The following VWCE variants were observed in gnomAD, a reference collection of about 807,000 sequenced individuals.
The protein encoded by VWCE is von Willebrand factor C and EGF domains, also known as von Willebrand factor C and EGF domain-containing protein.
In VWCE, 68 loss-of-function variants were observed where a neutral mutation model predicts 102.9. The observed-to-expected ratio is 0.66, with a 90% CI of 0.54 to 0.81. The LOEUF (loss-of-function observed/expected upper bound fraction) is 0.81, where lower values mean the gene tolerates loss of function less well. VWCE is among the 30% of genes least tolerant of loss of function. The probability of loss-of-function intolerance (pLI) is 0.00; values close to 1 mark genes in which losing one functional copy is unlikely to be tolerated. For missense variants in VWCE, 1,137 were observed against 1,263.6 expected (o/e 0.90, Z 1.52); for synonymous variants, 497 against 515.4 (o/e 0.96, Z 0.48).
chr11:61,269,534 C>G (rs1854611693), intron 14 of VWCE: 1 of 155,468 alleles, frequency 6.4e-6, no homozygotes, highest in Non-Finnish European at 1.4e-5. Context: ...CAAACTCCAC[C>G]TCCCGGGCTT....
chr11:61,267,873 C>A (rs1854559093), intron 15 of VWCE, among the ~76,000 whole-genome samples: 5 of 151,900 alleles, frequency 3.3e-5, no homozygotes, highest in Admixed American at 3.3e-4. Context: ...TGTGAGGCCC[C>A]ACAGCATCTT....
intron 1 of VWCE, among the ~76,000 whole-genome samples, chr11:61,292,234 AAAAAAGAG>A (rs1855527181): frequency 6.7e-6 from 1 of 149,540 alleles, no homozygotes; most frequent in African/African-American, 2.6e-5. Flanking sequence ...ACAAAAAAAA[AAAAAAGAG>A]AGAGAGAAAG....
In VWCE at chr11:61,264,575, C is replaced by T; in HGVS notation, c.2142G>A (p.Leu714=). The change falls in exon 19 of 20, where the codon CTG becomes CTA. Residue 714 remains leucine (L), a splice_region_variant and synonymous_variant. Coordinates refer to ENST00000335613, the MANE Select transcript of VWCE (RefSeq NM_152718.2). ...DEPCTRCTCQ[L]GEVSCEKVPC... ...GAACCTTCTCACAGCTCACCTCTCC[C>T]AGCTGGGGAAGCAGAAGGAACCCCA... 6.2e-7 allele frequency: 1 copy of T among 1,607,892 alleles called. No individual in the cohort carries two copies. Among genetic ancestry groups the T allele is most frequent in the Non-Finnish European group, 8.5e-7 (1 of 1,177,334 alleles).
intron 10 of VWCE, among the ~76,000 whole-genome samples, chr11:61,276,939 C>G (rs1293374189): frequency 2.5e-5 from 2 of 78,470 alleles, no homozygotes; most frequent in African/African-American, 1.0e-4. Context: ...GAGGAGAAGA[C>G]AGGGAAGGGG....
rs765736180 is a variant in VWCE at position 61,294,987 on chromosome 11, C to T, written c.51G>A (p.Pro17=). ...LRAACVALLL[P]GAPARGYTGR... is the part of the protein sequence containing the mutation. The stretch of plus-strand genomic sequence containing the variant: ...CGGTGTAGCCTCGGGCTGGTGCCCC[C>T]GGCAGCAGGAGCGCGACACAGGCGG... The change falls in exon 1 of 20, where the codon CCG becomes CCA. Residue 17 remains proline, a synonymous_variant. Coordinates refer to ENST00000335613, the MANE Select transcript of VWCE (RefSeq NM_152718.2). The surrounding 1 kb of genome is among the most constrained non-coding windows in gnomAD (Gnocchi z 6.3). 2.0e-6 allele frequency: 3 copies of T among 1,473,168 alleles called. No homozygotes were observed. The highest frequency in any genetic ancestry group is 2.9e-5 in the East Asian group (1 of 34,830). 91.3% of individuals were successfully genotyped at this position (1,473,168 alleles called of 1,614,324 possible).
At chr11:61,273,446 A>T in intron 12 of VWCE, 130 bp from the exon 13 acceptor site, 4 of 840,868 alleles carry the variant, frequency 4.8e-6, no homozygotes. Context: ...AAAGAAATCT[A>T]CTAAAGTGAA....
chr11:61,286,146 C>T, intron 5 of VWCE, 168 bp downstream of exon 5: 1 of 725,192 alleles, frequency 1.4e-6, no homozygotes. Context: ...GCCTCAGTCT[C>T]CACATCAGTC....
At chr11:61,282,150 C>T (rs1248479669) in intron 6 of VWCE, among the ~76,000 whole-genome samples, 1 of 152,190 alleles carries the variant, frequency 6.6e-6, no homozygotes, top group African/African-American at 2.4e-5. Flanking sequence ...ATCAGAGACT[C>T]AGCCCCAGCA....
In VWCE at chr11:61,281,190, C is replaced by G. The variant is rs376730424; in HGVS notation, c.833G>C (p.Arg278Pro). The change falls in exon 8 of 20, where the codon CGG (arginine) becomes CCG (proline). Residue 278 changes from arginine (R) to proline (P), a missense_variant. Coordinates refer to ENST00000335613, the MANE Select transcript of VWCE (RefSeq NM_152718.2). ...CAGAAGCATCTTGGACGGGTGTTGC[C>G]GGGGTTGCAGGATGGCAGATGGGGC... ...VLAPSAILQPRQHPSKMLLLL... is the reference protein window; with the variant it reads ...VLAPSAILQPPQHPSKMLLLL... 2 of 1,613,110 alleles carry G rather than the reference C, an allele frequency of 1.2e-6. No individual in the cohort carries two copies. The highest frequency in any genetic ancestry group is 2.2e-5 in the East Asian group (1 of 44,838).
chr11:61,273,175 C>A (rs191438210), intron 13 of VWCE, 24 bp downstream of exon 13: 1 of 1,611,190 alleles, frequency 6.2e-7, no homozygotes, highest in Admixed American at 1.7e-5. Flanking sequence ...TGCCCTGTGT[C>A]GGGGCAGCCC....
intron 12 of VWCE, among the ~76,000 whole-genome samples, chr11:61,273,556 T>C (rs1417074247): frequency 5.3e-5 from 8 of 152,134 alleles, no homozygotes; most frequent in Non-Finnish European, 1.2e-4. Flanking sequence ...ATCCTGGGAA[T>C]AGGCACGGCC....
At chr11:61,262,821 T>C (rs1338948204) in intron 19 of VWCE, among the ~76,000 whole-genome samples, 5 of 152,228 alleles carry the variant, frequency 3.3e-5, no homozygotes, top group Admixed American at 2.6e-4. Flanking sequence ...AAACATAAAA[T>C]AGATCCAGCA....
intron 19 of VWCE, among the ~76,000 whole-genome samples, chr11:61,261,323 T>C (rs1854351973): frequency 6.6e-6 from 1 of 152,214 alleles, no homozygotes; most frequent in African/African-American, 2.4e-5. Context: ...AAATCAACTA[T>C]TCATATTAAT....
intron 19 of VWCE, 22 bp downstream of exon 19, chr11:61,264,465 C>A: frequency 6.2e-7 from 1 of 1,609,416 alleles, no homozygotes; most frequent in Non-Finnish European, 8.5e-7. Context: ...GGAGAAACTC[C>A]AGGACCCAGA....
intron 16 of VWCE, 127 bp from the exon 17 acceptor site, chr11:61,265,339 T>C: frequency 1.3e-6 from 1 of 780,404 alleles, no homozygotes; most frequent in Non-Finnish European, 1.9e-6. Flanking sequence ...GAGTCCATGG[T>C]GGGGCAGTGG....
chr11:61,289,497 G>A (rs534123028), intron 4 of VWCE, among the ~76,000 whole-genome samples: 4 of 151,606 alleles, frequency 2.6e-5, no homozygotes, highest in South Asian at 2.1e-4. Flanking sequence ...TGATCCACCC[G>A]CCTCGGCCTC....
rs374898016 is a variant in VWCE, at chr11:61,290,792, G to A, written c.424+7C>T. On this transcript the variant is annotated splice_region_variant and intron_variant, in intron 4 of 19. Transcript: ENST00000335613. ...TCCCCCTCCCCCACCACTCCCAGGC[G>A]TCTCACCTGTACACCTGATGCCAAC... 79 of 1,595,172 alleles carry A rather than the reference G, an allele frequency of 5.0e-5. No homozygotes were observed. The highest frequency in any genetic ancestry group is 3.1e-4 in the South Asian group (28 of 90,202).
intron 5 of VWCE, among the ~76,000 whole-genome samples, chr11:61,285,260 A>C (rs558726762): frequency 6.6e-6 from 1 of 152,332 alleles, no homozygotes; most frequent in African/African-American, 2.4e-5. Flanking sequence ...ATTTTTTCTC[A>C]TAATTTATGA....
rs1010889818 is a variant in VWCE at position 61,258,618 on chromosome 11, AC to A, written c.*56del. 3 of 1,330,888 alleles carry A rather than the reference AC, an allele frequency of 2.3e-6. No individual in the cohort carries two copies. Among genetic ancestry groups the A allele is most frequent in the African/African-American group, 3.0e-5 (2 of 66,666 alleles). 82.4% of individuals were successfully genotyped at this position (1,330,888 alleles called of 1,614,324 possible). On this transcript the variant is annotated 3_prime_UTR_variant, in exon 20 of 20. Transcript: ENST00000335613. ...TCATCCTTGGAGCTGCCCTGCACACACCCTGGGCCACTGGCAGAGGTCCTCT... is the reference window on the plus strand; with the variant it reads ...TCATCCTTGGAGCTGCCCTGCACACACCTGGGCCACTGGCAGAGGTCCTCT...
Sources: allele counts gnomAD v4.1 joint callset (sites outside exome capture counted in the v4.1 genomes callset), GRCh38; gene constraint gnomAD v4.1.1; non-coding constraint Gnocchi (gnomAD v3.1); transcripts MANE v1.5; gene names NCBI Gene and HGNC (gene_info 2026-07-23, HGNC 2026-07-21).